Variants in ZNF99 observed in about 807,000 individuals in gnomAD.
ZNF99 encodes zinc finger protein 99, also known as zinc finger protein ENSP00000375192.
A neutral mutation model predicts 12.8 loss-of-function variants in ZNF99; 8 were observed. The ratio of observed to expected loss-of-function variants is 0.62; its 90% CI spans 0.37 to 1.13. The LOEUF (loss-of-function observed/expected upper bound fraction) is 1.13, where lower values mean the gene tolerates loss of function less well. Among genes scored for constraint, ZNF99 ranks in the 50% most tolerant of loss-of-function variants. The pLI, the probability that ZNF99 is intolerant of heterozygous loss-of-function variation, is 0.02. For synonymous variants in ZNF99, 318 were observed against 319.0 expected, an observed-to-expected ratio of 1.00 and a Z score of 0.03; for missense variants, 1,007 against 1,006.2, an observed-to-expected ratio of 1.00 and a Z score of -0.01.
At chr19:22,774,775 CAGG>C (rs1357610089) in intron 1 of ZNF99, among the ~76,000 whole-genome samples, 7 of 152,056 alleles carry the variant, frequency 4.6e-5, no homozygotes, top group Non-Finnish European at 2.9e-5. Flanking sequence ...GAGGCTGAGG[CAGG>C]AGAATAGCTT....
At position 22,759,469 on chromosome 19, in the gene ZNF99, C is replaced by T. The variant is rs535430775; in HGVS notation, c.440G>A (p.Cys147Tyr). 3.7e-6 allele frequency: 6 copies of T among 1,605,234 alleles called. No individual in the cohort carries two copies. The South Asian group carries it at 5.6e-5, about 15-fold the overall frequency. ...WTTTQGKIFQ[C>Y]NKYVKVFHKY... The stretch of plus-strand genomic sequence containing the variant: ...ATGAAAGACTTTCACATATTTGTTA[C>T]ACTGAAATATTTTTCCCTGGGTAGT... Residue 147 changes from cysteine (C) to tyrosine (Y), a missense_variant, in exon 4 of 4, where the codon TGT becomes TAT. By Grantham distance (194) the Cys-to-Tyr change is radical. Transcript: ENST00000596209.
chr19:22,773,799 A>C (rs1973297683), intron 1 of ZNF99: 1 of 152,274 alleles, frequency 6.6e-6, no homozygotes, highest in Non-Finnish European at 1.5e-5. Flanking sequence ...TCACAGCTGA[A>C]AGCTCACATC....
chr19:22,760,760 A>G (rs187546824), intron 3 of ZNF99, among the ~76,000 whole-genome samples: 36 of 152,212 alleles, frequency 2.4e-4, no homozygotes, highest in Admixed American at 8.5e-4. Context: ...AAATAAATGA[A>G]TAAAATAAAA....
chr19:22,758,276 CT>C lies in ZNF99; in HGVS notation c.1632del (p.Ala545LeufsTer9), dbSNP rs1385944644. On this transcript the variant is annotated frameshift_variant, in exon 4 of 4. Coordinates refer to ENST00000596209, the MANE Select transcript of ZNF99 (RefSeq NM_001080409.3). LOFTEE classifies it low-confidence loss of function (END_TRUNC). The part of the protein sequence containing the change: ...KKPYKCEECG[K>X]AFNNSSTLMK... ...ATAAGGGTTGAGGAATTGTTAAAAG[CT>C]TTGCCACATTCTTCACATTTGTAGG... The C allele has an allele frequency of 6.2e-7, 1 of 1,609,656 alleles. No homozygotes were observed. The highest frequency in any genetic ancestry group is 8.5e-7 in the Non-Finnish European group (1 of 1,177,058).
rs1420196697 is a variant in ZNF99 at position 22,768,403 on chromosome 19, G to A, written c.131-3C>T. On this transcript the variant is annotated splice_region_variant and splice_polypyrimidine_tract_variant and intron_variant, in intron 2 of 3. Transcript: ENST00000596209. ...GTCTAGCTTAGAGACAGCGATACCT[G>A]TTTTATTAAAAATAAATAACATAAA... 4 of 1,602,886 alleles carry A rather than the reference G, an allele frequency of 2.5e-6. No homozygotes were observed. Among genetic ancestry groups the A allele is most frequent in the East Asian group, 2.2e-5 (1 of 44,660 alleles).
chr19:22,767,243 C>T (rs1264966959), intron 3 of ZNF99, among the ~76,000 whole-genome samples: 2 of 151,864 alleles, frequency 1.3e-5, no homozygotes, highest in African/African-American at 4.8e-5. Flanking sequence ...GCCATGATTA[C>T]ACCATTGCAA....
Position 22,758,376 on chromosome 19 carries a change from A to C in ZNF99, c.1533T>G (p.Cys511Trp). ...GCTTAAAAGCTTTGCCACATTCTTC[A>C]CATTTGCAAGGTTTCTCTTCCATAT... ...VIHMEEKPCK[C>W]EECGKAFKHF... Residue 511 changes from cysteine to tryptophan, a missense_variant, in exon 4 of 4, where the codon TGT (cysteine) becomes TGG (tryptophan). By Grantham distance (215) the Cys-to-Trp change is radical. Coordinates refer to ENST00000596209, the MANE Select transcript of ZNF99 (RefSeq NM_001080409.3). 1.2e-6 allele frequency: 2 copies of C among 1,605,076 alleles called. No homozygotes were observed. The highest frequency in any genetic ancestry group is 2.3e-5 in the East Asian group (1 of 44,434).
At chr19:22,767,997 A>T (rs1204534522) in intron 3 of ZNF99, among the ~76,000 whole-genome samples, 2 of 152,216 alleles carry the variant, frequency 1.3e-5, no homozygotes, top group Admixed American at 6.5e-5. Context: ...AAAACTATAC[A>T]GATATTTGTG....
chr19:22,766,152 A>T (rs1973200941), intron 3 of ZNF99, among the ~76,000 whole-genome samples: 2 of 151,630 alleles, frequency 1.3e-5, no homozygotes, highest in Non-Finnish European at 2.9e-5. Context: ...TGTTTTACAT[A>T]ATGTCCATTT....
chr19:22,766,573 G>A (rs542599831), intron 3 of ZNF99, among the ~76,000 whole-genome samples: 9 of 151,828 alleles, frequency 5.9e-5, no homozygotes, highest in African/African-American at 1.4e-4. Flanking sequence ...TCCTGACCTC[G>A]TGATCCACCC....
intron 3 of ZNF99, among the ~76,000 whole-genome samples, chr19:22,766,651 ATTTC>A (rs1375864976): frequency 7.2e-6 from 1 of 139,230 alleles, no homozygotes; most frequent in Non-Finnish European, 1.6e-5. Flanking sequence ...TTTATTTCTT[ATTTC>A]TTTTTTTTTT....
intron 3 of ZNF99, 43 bp from the exon 4 acceptor site, chr19:22,759,725 C>G: frequency 7.4e-7 from 1 of 1,357,580 alleles, no homozygotes; most frequent in Non-Finnish European, 9.8e-7. Flanking sequence ...TTGCTAGACT[C>G]AGATGAATAT....
At position 22,754,245 on chromosome 19, in the gene ZNF99, C is replaced by A; in HGVS notation, c.*3069G>T. On this transcript the variant is annotated 3_prime_UTR_variant, in exon 4 of 4. Coordinates refer to ENST00000596209, the MANE Select transcript of ZNF99 (RefSeq NM_001080409.3). ...AGCTGGGCGTGGTGGCAGGCGCCTGCAATCCCAGCTGCTTGGGAGGTTGAG... is the reference window on the plus strand; with the variant it reads ...AGCTGGGCGTGGTGGCAGGCGCCTGAAATCCCAGCTGCTTGGGAGGTTGAG... The A allele has an allele frequency of 2.3e-6, 1 of 438,520 alleles. No individual in the cohort carries two copies. The highest frequency in any genetic ancestry group is 4.6e-6 in the Non-Finnish European group (1 of 218,286). The allele number at this position is 438,520 out of a possible 1,614,324, so 27.2% of individuals were successfully genotyped here. A position where few individuals can be genotyped will look rare whatever the true frequency, so the allele number is the denominator to read the frequency against.
rs543859989 is a variant in ZNF99 at position 22,754,333 on chromosome 19, C to T, written c.*2981G>A. The T allele has an allele frequency of 2.3e-5, 10 of 427,858 alleles. No homozygotes were observed. The highest frequency in any genetic ancestry group is 7.3e-5 in the East Asian group (1 of 13,700). The allele number at this position is 427,858 out of a possible 1,614,324, so 26.5% of individuals were successfully genotyped here. ...AATGAACTGAGATTGCACCATTGCA[C>T]TCCAATTTGGGCGACAGAGTGAGAC... On this transcript the variant is annotated 3_prime_UTR_variant, in exon 4 of 4. Coordinates refer to ENST00000596209, the MANE Select transcript of ZNF99 (RefSeq NM_001080409.3).
chr19:22,766,655 CTTTT>C (rs753101168), intron 3 of ZNF99, among the ~76,000 whole-genome samples: 1 of 138,982 alleles, frequency 7.2e-6, no homozygotes, highest in Non-Finnish European at 1.6e-5. Flanking sequence ...TTTCTTATTT[CTTTT>C]TTTTTTTTTG....
Position 22,757,030 on chromosome 19 carries a change from T to C in ZNF99, c.*284A>G, listed in dbSNP as rs1711611108. ...AATTGCTAAAAGCTTTGCCACATTC[T>C]TCACATTTGTACGATTTCTCCCTAG... On this transcript the variant is annotated 3_prime_UTR_variant, in exon 4 of 4. Coordinates refer to ENST00000596209, the MANE Select transcript of ZNF99 (RefSeq NM_001080409.3). 6.2e-7 allele frequency: 1 copy of C among 1,613,070 alleles called. No homozygotes were observed. Among genetic ancestry groups the C allele is most frequent in the African/African-American group, 1.3e-5 (1 of 74,918 alleles).
intron 3 of ZNF99, among the ~76,000 whole-genome samples, chr19:22,765,988 T>C (rs1973199114): frequency 6.6e-6 from 1 of 152,048 alleles, no homozygotes; most frequent in Non-Finnish European, 1.5e-5. Flanking sequence ...AATTCTTCTA[T>C]AGAATATAAA....
In ZNF99 at chr19:22,758,803, T is replaced by C. The variant is rs376938610; in HGVS notation, c.1106A>G (p.Tyr369Cys). 15 of 1,603,704 alleles carry C rather than the reference T, an allele frequency of 9.4e-6. No individual in the cohort carries two copies. The African/African-American group carries it at 1.4e-4, about 14-fold the overall frequency. Residue 369 changes from tyrosine to cysteine, a missense_variant, in exon 4 of 4, where the codon TAC (tyrosine) becomes TGC (cysteine). Physicochemically the swap from Tyr to Cys is radical, Grantham distance 194. Coordinates refer to ENST00000596209, the MANE Select transcript of ZNF99 (RefSeq NM_001080409.3). ...HEIIHTEEKPYKYEECGKAFS... is the reference protein window; with the variant it reads ...HEIIHTEEKPCKYEECGKAFS... Reference sequence around the variant, plus strand: ...AGCTTTGCCGCATTCTTCATATTTGTAGGGTTTCTCTTCAGTATGAATTAT... The same window carrying C: ...AGCTTTGCCGCATTCTTCATATTTGCAGGGTTTCTCTTCAGTATGAATTAT...
intron 1 of ZNF99, among the ~76,000 whole-genome samples, chr19:22,782,259 G>A (rs1973395546): frequency 6.6e-6 from 1 of 152,134 alleles, no homozygotes; most frequent in Non-Finnish European, 1.5e-5. Flanking sequence ...GTAAAAAATG[G>A]AGGGGAAAAT....
Sources: gnomAD v4.1 joint callset for allele counts (sites outside exome capture counted in the v4.1 genomes callset) on GRCh38, gnomAD v4.1.1 for gene constraint, MANE v1.5 for transcripts, NCBI Gene and HGNC (gene_info 2026-07-23, HGNC 2026-07-21) for gene names.